The following KCNQ5 variants were observed in gnomAD, a reference collection of about 807,000 sequenced individuals.
The protein encoded by KCNQ5 is potassium voltage-gated channel subfamily KQT member 5.
In KCNQ5, 30 loss-of-function variants were observed where a neutral mutation model predicts 98.2. The observed-to-expected ratio is 0.31, with a 90% CI of 0.23 to 0.41. The LOEUF is 0.41. Among genes scored for constraint, KCNQ5 ranks in the 10% least tolerant of loss-of-function variants. The pLI is 1.00. For synonymous variants in KCNQ5, 458 were observed against 449.4 expected (o/e 1.02, Z -0.24); for missense variants, 835 against 1,182.5 (o/e 0.71, Z 4.31).
At chr6:72,635,761 C>CT (rs1318375463) in intron 1 of KCNQ5, among the ~76,000 whole-genome samples, 1 of 126,018 alleles carries the variant, frequency 7.9e-6, no homozygotes, top group African/African-American at 3.1e-5. Context: ...CAAAATGTTG[C>CT]TTTCTTTTCC....
At chr6:72,787,219 T>C (rs796297942) in intron 1 of KCNQ5, among the ~76,000 whole-genome samples, 14 of 152,178 alleles carry the variant, frequency 9.2e-5, no homozygotes, top group African/African-American at 3.1e-4. Flanking sequence ...AAGAATAAAA[T>C]TTTTTGATGA....
At chr6:72,895,306 A>G (rs926141459) in intron 1 of KCNQ5, among the ~76,000 whole-genome samples, 6 of 151,018 alleles carry the variant, frequency 4.0e-5, no homozygotes, top group Admixed American at 6.6e-5. Context: ...AAAAAAAGAA[A>G]AAAAACTCCA....
Position 73,192,638 on chromosome 6 carries a change from G to A in KCNQ5, c.1783G>A (p.Glu595Lys). The A allele has an allele frequency of 6.2e-7, 1 of 1,612,676 alleles. No individual in the cohort carries two copies. The highest frequency in any genetic ancestry group is 8.5e-7 in the Non-Finnish European group (1 of 1,179,320). The change falls in exon 13 of 14, where the codon GAG (glutamate) becomes AAG (lysine). Residue 595 changes from glutamate (E) to lysine (K), a missense_variant. Glu to Lys is a moderately conservative substitution (Grantham distance 56, BLOSUM62 1). Coordinates refer to ENST00000370398, the MANE Select transcript of KCNQ5 (RefSeq NM_019842.4). ...KSREKITAEH[E>K]TTDDLSMLGR... ...CCGAGAGAAAATAACAGCAGAACAT[G>A]AGACCACAGACGATCTCAGTATGCT... is the stretch of plus-strand genomic sequence containing the variant.
At chr6:72,985,612 C>T (rs1768731203) in intron 1 of KCNQ5, among the ~76,000 whole-genome samples, 1 of 152,190 alleles carries the variant, frequency 6.6e-6, no homozygotes, top group Non-Finnish European at 1.5e-5. Flanking sequence ...AATGATATTT[C>T]ATCTCACACT....
At chr6:72,666,391 C>T (rs749497480) in intron 1 of KCNQ5, among the ~76,000 whole-genome samples, 1 of 152,032 alleles carries the variant, frequency 6.6e-6, no homozygotes, top group East Asian at 1.9e-4. Flanking sequence ...ATGACATTAT[C>T]GATTAATCAA....
chr6:72,718,914 GTTTAAT>G (rs374120988), intron 1 of KCNQ5, among the ~76,000 whole-genome samples: 123 of 152,180 alleles, frequency 8.1e-4, no homozygotes, highest in African/African-American at 2.8e-3. Context: ...TGTAAAGATA[GTTTAAT>G]TTTGTTTTAT....
chr6:72,995,034 C>T (rs1302653097), intron 1 of KCNQ5, among the ~76,000 whole-genome samples: 2 of 151,898 alleles, frequency 1.3e-5, no homozygotes, highest in Non-Finnish European at 2.9e-5. Flanking sequence ...AATAACAATT[C>T]CTAGAAATAT....
chr6:73,133,491 G>T lies in KCNQ5; in HGVS notation c.1318G>T (p.Ala440Ser). The T allele has an allele frequency of 6.2e-7, 1 of 1,614,174 alleles. No individual in the cohort carries two copies. The highest frequency in any genetic ancestry group is 1.1e-5 in the South Asian group (1 of 91,086). The stretch of plus-strand genomic sequence containing the variant: ...GGGCCAGAGTATTAAGAGCCGACAA[G>T]CCTCAGTAGGTGACAGGAGGTCCCC... ...PRGQSIKSRQASVGDRRSPST... is the reference protein window; with the variant it reads ...PRGQSIKSRQSSVGDRRSPST... Residue 440 changes from alanine (A) to serine (S), a missense_variant, in exon 10 of 14, where the codon GCC becomes TCC. Coordinates refer to ENST00000370398, the MANE Select transcript of KCNQ5 (RefSeq NM_019842.4).
chr6:72,960,330 T>A (rs1206357762), intron 1 of KCNQ5, among the ~76,000 whole-genome samples: 1 of 152,220 alleles, frequency 6.6e-6, no homozygotes, highest in Non-Finnish European at 1.5e-5. Flanking sequence ...CAGTCCCTTA[T>A]TTTCTTAACT....
chr6:72,793,551 T>G (rs1267870086), intron 1 of KCNQ5, among the ~76,000 whole-genome samples: 1 of 152,218 alleles, frequency 6.6e-6, no homozygotes, highest in African/African-American at 2.4e-5. Flanking sequence ...CCCCTTATAT[T>G]ATGGGGGAGT....
chr6:72,806,744 A>G (rs1398759261), intron 1 of KCNQ5: 2 of 441,704 alleles, frequency 4.5e-6, no homozygotes, highest in Non-Finnish European at 9.0e-6. Context: ...TAACTGCAGT[A>G]CTGAGTTCCC....
At chr6:72,666,252 AG>A (rs1438704873) in intron 1 of KCNQ5, among the ~76,000 whole-genome samples, 1 of 152,208 alleles carries the variant, frequency 6.6e-6, no homozygotes, top group African/African-American at 2.4e-5. Flanking sequence ...GATATTAAAA[AG>A]GACTTTAATG....
At chr6:72,987,823 T>A (rs1275634704) in intron 1 of KCNQ5, 1 of 363,576 alleles carries the variant, frequency 2.8e-6, no homozygotes, top group Non-Finnish European at 5.2e-6. Context: ...GATTACAAGT[T>A]TTTTTTGGTG....
chr6:73,015,354 G>A lies in KCNQ5; in HGVS notation c.489+11356G>A, dbSNP rs141785206. Among the ~76,000 whole-genome samples, 220 of 152,094 alleles carry A rather than the reference G, an allele frequency of 1.4e-3. 2 individuals carry two copies. The highest frequency in any genetic ancestry group is 5.1e-3 in the African/African-American group (211 of 41,506). On this transcript the variant is annotated intron_variant, in intron 2 of 13. Transcript: ENST00000370398. The stretch of plus-strand genomic sequence containing the variant: ...GCCGATGACTGAAAAGAAAAAAGCA[G>A]GAATAGTTAAACACCTACACTGAAC...
At chr6:73,180,164 C>T (rs533273619) in intron 11 of KCNQ5, among the ~76,000 whole-genome samples, 1 of 152,138 alleles carries the variant, frequency 6.6e-6, no homozygotes, top group Non-Finnish European at 1.5e-5. Flanking sequence ...TTGTCTTGCA[C>T]CATGCTTGTA....
intron 1 of KCNQ5, among the ~76,000 whole-genome samples, chr6:72,709,473 G>A (rs569245993): frequency 1.3e-5 from 2 of 152,002 alleles, no homozygotes; most frequent in Admixed American, 6.6e-5. Context: ...CGGTTTTATG[G>A]CCCCTAACAG....
chr6:72,735,030 G>A (rs80026115), intron 1 of KCNQ5, among the ~76,000 whole-genome samples: 1,779 of 152,300 alleles, frequency 0.012, 29 homozygotes, highest in African/African-American at 0.04. Flanking sequence ...ACAAGAGGAA[G>A]GCCATTGGTT....
intron 1 of KCNQ5, among the ~76,000 whole-genome samples, chr6:72,779,794 G>T (rs1212204998): frequency 1.3e-5 from 2 of 151,426 alleles, no homozygotes; most frequent in Non-Finnish European, 2.9e-5. Flanking sequence ...ACAGGCACGA[G>T]TCACCATGCC....
intron 1 of KCNQ5, among the ~76,000 whole-genome samples, chr6:72,959,867 G>A (rs1767252258): frequency 6.6e-6 from 1 of 152,212 alleles, no homozygotes; most frequent in Non-Finnish European, 1.5e-5. Context: ...AGTGTGAAAA[G>A]TGTCTTGAGT....
Sources: gnomAD v4.1 joint callset for allele counts (sites outside exome capture counted in the v4.1 genomes callset) on GRCh38, gnomAD v4.1.1 for gene constraint, MANE v1.5 for transcripts, NCBI Gene and HGNC (gene_info 2026-07-23, HGNC 2026-07-21) for gene names.